SCD5: variants seen among roughly 807,000 people sequenced by gnomAD.
The protein encoded by SCD5 is acyl-CoA-desaturase 4.
SCD5 carries 20 observed loss-of-function variants against 30.4 expected under a neutral mutation model. The ratio of observed to expected loss-of-function variants is 0.66; its 90% CI spans 0.46 to 0.96. The LOEUF (loss-of-function observed/expected upper bound fraction) is 0.96. SCD5 is among the 40% of genes least tolerant of loss of function. SCD5 has a pLI of 0.00. For missense variants in SCD5, 381 were observed against 443.3 expected (o/e 0.86, Z 1.26); for synonymous variants, 173 against 176.4 (o/e 0.98, Z 0.16).
At chr4:82,652,841 T>A (rs1050601794) in intron 3 of SCD5, among the ~76,000 whole-genome samples, 1 of 152,170 alleles carries the variant, frequency 6.6e-6, no homozygotes, top group African/African-American at 2.4e-5. Context: ...AGGCATTAGA[T>A]GCTGGTGACA....
chr4:82,751,540 T>G lies in SCD5; in HGVS notation c.233-46127A>C, dbSNP rs2148842414. On this transcript the variant is annotated intron_variant, in intron 1 of 4. Transcript: ENST00000319540. ...ATCAGTCAGGGAGGTAAGGTCCCTA[T>G]ATATGCTGTTTTAAAGTTATAAATG... is the stretch of plus-strand genomic sequence containing the variant. Among the ~76,000 whole-genome samples, 5 of 152,354 alleles carry G rather than the reference T, an allele frequency of 3.3e-5. No homozygotes were observed. In the South Asian group the frequency reaches 1.0e-3, roughly 32 times the overall value.
At chr4:82,732,203 C>T (rs756803605) in intron 1 of SCD5, among the ~76,000 whole-genome samples, 6 of 151,960 alleles carry the variant, frequency 3.9e-5, no homozygotes, top group Non-Finnish European at 7.4e-5. Context: ...CGAGTTCAAG[C>T]GATTCTCCTG....
intron 1 of SCD5, among the ~76,000 whole-genome samples, chr4:82,746,925 C>G (rs555872215): frequency 1.4e-5 from 2 of 145,014 alleles, no homozygotes; most frequent in Admixed American, 1.4e-4. Flanking sequence ...CATATAAACC[C>G]GAGACCTTAA....
At chr4:82,745,517 G>A (rs1342254512) in intron 1 of SCD5, among the ~76,000 whole-genome samples, 1 of 152,098 alleles carries the variant, frequency 6.6e-6, no homozygotes, top group South Asian at 2.1e-4. Flanking sequence ...GTTTTTTCCC[G>A]ACTTTAAGTT....
At chr4:82,750,914 A>G (rs561817673) in intron 1 of SCD5, among the ~76,000 whole-genome samples, 2 of 152,330 alleles carry the variant, frequency 1.3e-5, no homozygotes, top group African/African-American at 4.8e-5. Flanking sequence ...TGAAACATTC[A>G]GCAAGTCAGC....
At chr4:82,780,824 G>A (rs1405826420) in intron 1 of SCD5, among the ~76,000 whole-genome samples, 2 of 152,242 alleles carry the variant, frequency 1.3e-5, no homozygotes, top group African/African-American at 2.4e-5. Flanking sequence ...GCCCCAGGGG[G>A]CCAGCCTGGA....
At chr4:82,798,218 C>A in intron 1 of SCD5, 88 bp downstream of exon 1, 1 of 1,173,516 alleles carries the variant, frequency 8.5e-7, no homozygotes, top group South Asian at 4.2e-5. Context: ...GCGCACCGCC[C>A]GCAGCCGAGG....
At chr4:82,684,265 T>C (rs1272850696) in intron 2 of SCD5, among the ~76,000 whole-genome samples, 1 of 152,186 alleles carries the variant, frequency 6.6e-6, no homozygotes, top group African/African-American at 2.4e-5. Flanking sequence ...AAAAATACTT[T>C]AAGATGTATT....
intron 1 of SCD5, among the ~76,000 whole-genome samples, chr4:82,741,641 T>C (rs1419230041): frequency 2.6e-5 from 4 of 152,152 alleles, no homozygotes; most frequent in African/African-American, 9.7e-5. Flanking sequence ...CACTTTTGCC[T>C]TTGTCTCTAT....
intron 1 of SCD5, among the ~76,000 whole-genome samples, chr4:82,726,195 G>A (rs1486567896): frequency 6.6e-6 from 1 of 152,180 alleles, no homozygotes; most frequent in East Asian, 1.9e-4. Flanking sequence ...AAAGCAGGCA[G>A]ATCACCTGAG....
At chr4:82,765,928 A>G (rs34952741) in intron 1 of SCD5, among the ~76,000 whole-genome samples, 28,636 of 152,020 alleles carry the variant, frequency 0.19, 3,686 homozygotes, top group African/African-American at 0.37. Flanking sequence ...CCCCCACCAA[A>G]TATTTTTGAT....
intron 1 of SCD5, among the ~76,000 whole-genome samples, chr4:82,709,304 A>G (rs575276096): frequency 3.3e-5 from 5 of 152,308 alleles, no homozygotes; most frequent in African/African-American, 1.2e-4. Context: ...TGTCATAAAC[A>G]TGAGTGCCAG....
chr4:82,725,586 G>A (rs892533366), intron 1 of SCD5, among the ~76,000 whole-genome samples: 6 of 152,080 alleles, frequency 3.9e-5, no homozygotes, highest in African/African-American at 7.2e-5. Flanking sequence ...TGGACCGGGC[G>A]TGGTGGCTCA....
In SCD5 at chr4:82,631,316, C is replaced by T. The variant is rs377339242; in HGVS notation, c.*11G>A. On this transcript the variant is annotated 3_prime_UTR_variant, in exon 5 of 5. Coordinates refer to ENST00000319540, the MANE Select transcript of SCD5 (RefSeq NM_001037582.3). Reference sequence around the variant, plus strand: ...TTGCAACGGCAGACATGTGGGATGGCTGTTCCAAGTTCAAGCACTGCTGTC... The same window carrying T: ...TTGCAACGGCAGACATGTGGGATGGTTGTTCCAAGTTCAAGCACTGCTGTC... 22 of 1,609,070 alleles carry T rather than the reference C, an allele frequency of 1.4e-5. No homozygotes were observed. Among genetic ancestry groups the T allele is most frequent in the Admixed American group, 1.3e-4 (8 of 59,900 alleles).
intron 1 of SCD5, among the ~76,000 whole-genome samples, chr4:82,786,266 G>A (rs1420640545): frequency 6.6e-6 from 1 of 152,146 alleles, no homozygotes; most frequent in Non-Finnish European, 1.5e-5. Context: ...TGATGTTAAG[G>A]AGGAGGGTGC....
At chr4:82,730,190 G>C (rs6854179) in intron 1 of SCD5, among the ~76,000 whole-genome samples, 1 of 146,612 alleles carries the variant, frequency 6.8e-6, no homozygotes, top group South Asian at 2.1e-4. Context: ...GAAAATATAT[G>C]TATTATATAT....
intron 1 of SCD5, among the ~76,000 whole-genome samples, chr4:82,784,847 T>G (rs1220547079): frequency 6.6e-6 from 1 of 152,252 alleles, no homozygotes; most frequent in Non-Finnish European, 1.5e-5. Context: ...TCAGAACAGA[T>G]GCAGATTTAA....
intron 3 of SCD5, 94 bp from the exon 4 acceptor site, chr4:82,636,917 GGA>G (rs752393812): frequency 4.7e-5 from 50 of 1,065,236 alleles, no homozygotes; most frequent in Non-Finnish European, 6.2e-5. Flanking sequence ...AAAAGCCCAG[GGA>G]GAGAACTGTG....
chr4:82,725,908 C>T (rs17006171), intron 1 of SCD5, among the ~76,000 whole-genome samples: 13,862 of 152,018 alleles, frequency 0.091, 714 homozygotes, highest in South Asian at 0.14. Flanking sequence ...GGGAAAGATG[C>T]ATTTGATTTT....
Sources: allele counts gnomAD v4.1 joint callset (sites outside exome capture counted in the v4.1 genomes callset), GRCh38; gene constraint gnomAD v4.1.1; transcripts MANE v1.5; gene names NCBI Gene and HGNC (gene_info 2026-07-23, HGNC 2026-07-21).